SPIDR: variants seen among roughly 807,000 people sequenced by gnomAD.
SPIDR encodes the protein scaffold protein involved in DNA repair.
Under a neutral mutation model 104.6 loss-of-function variants are expected in SPIDR, and 93 were observed. That is an observed-to-expected ratio of 0.89 (90% confidence interval 0.75 to 1.06). The LOEUF is 1.06. SPIDR is among the 50% of genes least tolerant of loss of function. The pLI is 0.00. For missense variants in SPIDR, 1,154 were observed against 1,111.2 expected (o/e 1.04, Z -0.55); for synonymous variants, 431 against 416.9 (o/e 1.03, Z -0.41).
chr8:47,302,658 C>T (rs2042322355), intron 5 of SPIDR, among the ~76,000 whole-genome samples: 2 of 152,194 alleles, frequency 1.3e-5, no homozygotes, highest in Admixed American at 1.3e-4. Context: ...AGTTTTCCTT[C>T]TAACAGTCAG....
chr8:47,361,588 G>A (rs2055960674), intron 5 of SPIDR, among the ~76,000 whole-genome samples: 1 of 152,240 alleles, frequency 6.6e-6, no homozygotes, highest in Non-Finnish European at 1.5e-5. Context: ...GAACTTGTCA[G>A]CAATGCACAT....
In SPIDR at chr8:47,511,839, A is replaced by G. The variant is rs2082377279; in HGVS notation, c.1097+71297A>G. On this transcript the variant is annotated intron_variant, in intron 8 of 19. Coordinates refer to ENST00000297423, the MANE Select transcript of SPIDR (RefSeq NM_001080394.4). ...TGGGAGGGCCAACAATCTGCTGTCC[A>G]CTTCTCTCTGAGGCCCCGGCATAAA... 1.1e-5 allele frequency: 10 copies of G among 878,874 alleles called. No homozygotes were observed. In the East Asian group the frequency reaches 1.7e-4, roughly 15 times the overall value. The allele number at this position is 878,874 out of a possible 1,614,324, so 54.4% of individuals were successfully genotyped here.
intron 8 of SPIDR, among the ~76,000 whole-genome samples, chr8:47,553,725 A>G (rs994781172): frequency 6.6e-6 from 1 of 152,184 alleles, no homozygotes; most frequent in Non-Finnish European, 1.5e-5. Flanking sequence ...TGTTGTTACG[A>G]TCATCTGAAG....
intron 8 of SPIDR, among the ~76,000 whole-genome samples, chr8:47,594,963 TCCAGCCTGGGCGA>T (rs1476192538): frequency 2.6e-5 from 4 of 151,790 alleles, no homozygotes; most frequent in African/African-American, 9.7e-5. Flanking sequence ...GCCACTGCAC[TCCAGCCTGGGCGA>T]CAGAGCCGAG....
In SPIDR at chr8:47,735,694, A is replaced by C. The variant is rs2086180912; in HGVS notation, c.*244A>C. 1 of 889,472 alleles carries C rather than the reference A, an allele frequency of 1.1e-6. No individual in the cohort carries two copies. Among genetic ancestry groups the C allele is most frequent in the Admixed American group, 3.3e-5 (1 of 30,722 alleles). 55.1% of individuals were successfully genotyped at this position (889,472 alleles called of 1,614,324 possible). On this transcript the variant is annotated 3_prime_UTR_variant, in exon 20 of 20. Transcript: ENST00000297423. ...TAGGAACATATTTACTCGTTTTCAC[A>C]TTGAATCTTAAGTTTAAGCTCTTCA... is the stretch of plus-strand genomic sequence containing the variant.
At chr8:47,485,327 G>A (rs1356325605) in intron 8 of SPIDR, among the ~76,000 whole-genome samples, 1 of 152,250 alleles carries the variant, frequency 6.6e-6, no homozygotes, top group Non-Finnish European at 1.5e-5. Flanking sequence ...CCATTGCTGA[G>A]GCTTGAGTAG....
chr8:47,354,463 TA>T (rs1244115673), intron 5 of SPIDR, among the ~76,000 whole-genome samples: 1 of 152,080 alleles, frequency 6.6e-6, no homozygotes, highest in African/African-American at 2.4e-5. Context: ...GCCTGAGAAT[TA>T]CGCATATTTA....
At chr8:47,432,961 A>G (rs1252414988) in intron 7 of SPIDR, among the ~76,000 whole-genome samples, 2 of 152,186 alleles carry the variant, frequency 1.3e-5, no homozygotes, top group Non-Finnish European at 2.9e-5. Flanking sequence ...TGTAGTAACT[A>G]AGAGGCATCT....
intron 5 of SPIDR, among the ~76,000 whole-genome samples, chr8:47,323,537 C>T (rs2047155308): frequency 6.6e-6 from 1 of 152,102 alleles, no homozygotes; most frequent in South Asian, 2.1e-4. Flanking sequence ...GTCAGTCATC[C>T]TAGGCTCAGA....
chr8:47,614,426 G>A (rs1044778189), intron 10 of SPIDR, among the ~76,000 whole-genome samples: 4 of 152,138 alleles, frequency 2.6e-5, no homozygotes, highest in Admixed American at 6.5e-5. Context: ...GTTTCACCCT[G>A]TTGGCCAGGA....
chr8:47,534,036 T>C (rs529487532), intron 8 of SPIDR, among the ~76,000 whole-genome samples: 2 of 152,346 alleles, frequency 1.3e-5, no homozygotes, highest in Admixed American at 6.5e-5. Flanking sequence ...TTTCCTGTGC[T>C]GTTCTAGTGA....
intron 5 of SPIDR, among the ~76,000 whole-genome samples, chr8:47,330,438 A>ATAAAAATATATGTC (rs1330038934): frequency 2.0e-5 from 3 of 152,218 alleles, no homozygotes; most frequent in African/African-American, 7.2e-5. Flanking sequence ...GAACAAATGT[A>ATAAAAATATATGTC]TAAAAATATA....
At chr8:47,359,653 T>G (rs1554628527) in intron 5 of SPIDR, among the ~76,000 whole-genome samples, 1 of 152,216 alleles carries the variant, frequency 6.6e-6, no homozygotes, top group Non-Finnish European at 1.5e-5. Context: ...CATTGTGCCC[T>G]ATAGAGTTTG....
At chr8:47,503,556 A>G (rs549623051) in intron 8 of SPIDR, among the ~76,000 whole-genome samples, 124 of 152,280 alleles carry the variant, frequency 8.1e-4, no homozygotes, top group Middle Eastern at 3.4e-3. Flanking sequence ...GGTTTCCTCA[A>G]TACAGCACAC....
intron 8 of SPIDR, among the ~76,000 whole-genome samples, chr8:47,582,042 C>G (rs955716025): frequency 3.9e-5 from 6 of 152,084 alleles, no homozygotes; most frequent in South Asian, 2.1e-4. Flanking sequence ...CATGGTGAAA[C>G]CCTGTCTCTA....
intron 8 of SPIDR, among the ~76,000 whole-genome samples, chr8:47,502,242 T>A (rs555382503): frequency 2.0e-5 from 3 of 152,234 alleles, no homozygotes; most frequent in Admixed American, 2.0e-4. Context: ...GTACCTCTGA[T>A]AGAATTCGGC....
intron 7 of SPIDR, among the ~76,000 whole-genome samples, chr8:47,421,634 T>C (rs782483590): frequency 3.9e-5 from 6 of 152,240 alleles, no homozygotes; most frequent in Non-Finnish European, 7.3e-5. Context: ...TCCATCCAGC[T>C]TTGTTCCGTT....
chr8:47,710,975 A>G lies in SPIDR; in HGVS notation c.1978-1687A>G, dbSNP rs189309881. 4.4e-4 allele frequency among the ~76,000 whole-genome samples: 66 copies of G among 151,290 alleles called. No individual in the cohort carries two copies. In the East Asian group the frequency reaches 0.013, roughly 29 times the overall value. ...TTATTTTTTGTAGAGATGGGGTCTCACTATATTGGCCCAGCTGGGCTCAAG... is the reference window on the plus strand; with the variant it reads ...TTATTTTTTGTAGAGATGGGGTCTCGCTATATTGGCCCAGCTGGGCTCAAG... On this transcript the variant is annotated intron_variant, in intron 14 of 19. Transcript: ENST00000297423.
At chr8:47,729,315 T>C in intron 18 of SPIDR, 97 bp from the exon 19 acceptor site, 1 of 1,500,878 alleles carries the variant, frequency 6.7e-7, no homozygotes, top group Non-Finnish European at 9.0e-7. Flanking sequence ...GACAGGTGGT[T>C]TGGATATAAC....
Sources: allele counts gnomAD v4.1 joint callset (sites outside exome capture counted in the v4.1 genomes callset), GRCh38; gene constraint gnomAD v4.1.1; transcripts MANE v1.5; gene names NCBI Gene and HGNC (gene_info 2026-07-23, HGNC 2026-07-21).